Variants in NCOR1 observed in about 807,000 individuals in gnomAD.
The protein encoded by NCOR1 is protein phosphatase 1, regulatory subunit 109.
A neutral mutation model predicts 288.1 loss-of-function variants in NCOR1; 63 were observed. The ratio of observed to expected loss-of-function variants is 0.22; its 90% CI spans 0.18 to 0.27. The LOEUF (loss-of-function observed/expected upper bound fraction) is 0.27. NCOR1 is among the 10% of genes least tolerant of loss of function. The pLI, the probability that NCOR1 is intolerant of heterozygous loss-of-function variation, is 1.00. For synonymous variants in NCOR1, 1,007 were observed against 1,065.9 expected, an observed-to-expected ratio of 0.94 and a Z score of 1.08; for missense variants, 2,397 against 3,019.2, an observed-to-expected ratio of 0.79 and a Z score of 4.83.
chr17:16,046,612 TG>T (rs1360109951), intron 42 of NCOR1, among the ~76,000 whole-genome samples: 1 of 152,150 alleles, frequency 6.6e-6, no homozygotes, highest in African/African-American at 2.4e-5. Flanking sequence ...AGATGTTATG[TG>T]GGGATAGGCC....
At chr17:16,092,676 TATATATATATATATATATA>T (rs1567958639) in intron 21 of NCOR1, among the ~76,000 whole-genome samples, 252 of 23,756 alleles carry the variant, frequency 0.011, 9 homozygotes, top group South Asian at 0.018. Context: ...TATATATATA[TATATATATATATATATATA>T]TTTTTTTTTT....
intron 17 of NCOR1, among the ~76,000 whole-genome samples, 190 bp from the exon 18 acceptor site, chr17:16,118,217 AT>A (rs903630151): frequency 3.4e-4 from 51 of 152,166 alleles, no homozygotes; most frequent in Admixed American, 1.3e-4. Flanking sequence ...ACAGTTCTAT[AT>A]TTTTCCCCCT....
intron 4 of NCOR1, among the ~76,000 whole-genome samples, chr17:16,169,564 T>A (rs1366506543): frequency 1.3e-5 from 2 of 152,136 alleles, no homozygotes; most frequent in African/African-American, 4.8e-5. Flanking sequence ...GTAGAAGTAG[T>A]CATGGTTTAC....
intron 3 of NCOR1, among the ~76,000 whole-genome samples, chr17:16,176,297 G>A (rs1199085779): frequency 6.6e-6 from 1 of 152,134 alleles, no homozygotes; most frequent in Non-Finnish European, 1.5e-5. Context: ...GAAACAGAGT[G>A]TCACTCTGTC....
intron 22 of NCOR1, among the ~76,000 whole-genome samples, chr17:16,086,903 G>A (rs1275735284): frequency 6.6e-6 from 1 of 152,142 alleles, no homozygotes; most frequent in Non-Finnish European, 1.5e-5. Flanking sequence ...TTTTGGGGAT[G>A]GGGAGATCTC....
intron 42 of NCOR1, among the ~76,000 whole-genome samples, chr17:16,045,810 T>A (rs569562252): frequency 6.0e-5 from 9 of 149,818 alleles, no homozygotes; most frequent in African/African-American, 1.5e-4. Flanking sequence ...CCAGACAATT[T>A]AAAAAAAATT....
Position 16,127,355 on chromosome 17 carries a change from A to G in NCOR1, c.1510-1149T>C, listed in dbSNP as rs1011232443. 1.1e-4 allele frequency among the ~76,000 whole-genome samples: 15 copies of G among 142,234 alleles called. 3 individuals are homozygous for G. The highest frequency in any genetic ancestry group is 3.7e-4 in the African/African-American group (14 of 37,906). The allele number at this position is 142,234 out of a possible 152,430, so 93.3% of individuals were successfully genotyped here. Reference sequence around the variant, plus strand: ...TATATATACATGTATGTATATATGTATGTATATATACATGTATGTATATAT... The same window carrying G: ...TATATATACATGTATGTATATATGTGTGTATATATACATGTATGTATATAT... On this transcript the variant is annotated intron_variant, in intron 14 of 45. Coordinates refer to ENST00000268712, the MANE Select transcript of NCOR1 (RefSeq NM_006311.4).
In NCOR1 at chr17:16,145,698, C is replaced by T. The variant is rs987034545; in HGVS notation, c.1082+678G>A. On this transcript the variant is annotated intron_variant, in intron 10 of 45. Transcript: ENST00000268712. ...GGGGGGCAGCCCCCGCCCAGCCAGC[C>T]GCCCAGTCCGGGAGGTGGGGGGCAG... 2.0e-5 allele frequency among the ~76,000 whole-genome samples: 3 copies of T among 151,924 alleles called. No homozygotes were observed. The South Asian group carries it at 6.2e-4, about 32-fold the overall frequency.
intron 18 of NCOR1, among the ~76,000 whole-genome samples, chr17:16,114,121 C>T (rs572521650): frequency 3.2e-4 from 40 of 123,904 alleles, no homozygotes; most frequent in African/African-American, 4.5e-4. Flanking sequence ...GAGCAAGTAA[C>T]GTCTTACATG....
At chr17:16,183,714 T>A (rs1215364700) in intron 3 of NCOR1, among the ~76,000 whole-genome samples, 1 of 150,860 alleles carries the variant, frequency 6.6e-6, no homozygotes, top group Non-Finnish European at 1.5e-5. Flanking sequence ...CCCAATGGGG[T>A]TTTTCACAGA....
intron 21 of NCOR1, among the ~76,000 whole-genome samples, chr17:16,094,954 G>A (rs2066114619): frequency 1.3e-5 from 2 of 152,180 alleles, no homozygotes; most frequent in Non-Finnish European, 2.9e-5. Context: ...GCCCCCCAAA[G>A]TGCAGAGATT....
At position 16,193,162 on chromosome 17, in the gene NCOR1, C is replaced by T. The variant is rs376939174; in HGVS notation, c.108+1300G>A. On this transcript the variant is annotated intron_variant, in intron 2 of 45. Coordinates refer to ENST00000268712, the MANE Select transcript of NCOR1 (RefSeq NM_006311.4). The stretch of plus-strand genomic sequence containing the variant: ...TTTATGACTTTGTCAAAATTTGTTA[C>T]AATGTACACATATAATGAGTGCATT... Among the ~76,000 whole-genome samples, 5 of 152,210 alleles carry T rather than the reference C, an allele frequency of 3.3e-5. No homozygotes were observed. The East Asian group carries it at 9.6e-4, about 29-fold the overall frequency.
intron 14 of NCOR1, among the ~76,000 whole-genome samples, chr17:16,127,658 T>C (rs1468974716): frequency 1.4e-5 from 2 of 147,022 alleles, no homozygotes; most frequent in African/African-American, 2.5e-5. Context: ...TGTGTATATA[T>C]ACATATATGT....
intron 14 of NCOR1, among the ~76,000 whole-genome samples, chr17:16,130,031 G>T (rs1008891917): frequency 1.3e-5 from 2 of 152,182 alleles, no homozygotes; most frequent in African/African-American, 4.8e-5. Context: ...AACAGCTCCT[G>T]GCTCTGCATA....
At position 16,164,961 on chromosome 17, in the gene NCOR1, T is replaced by A; in HGVS notation, c.618+18A>T. 6.6e-7 allele frequency: 1 copy of A among 1,523,260 alleles called. No homozygotes were observed. Among genetic ancestry groups the A allele is most frequent in the Non-Finnish European group, 8.8e-7 (1 of 1,131,834 alleles). 94.4% of individuals were successfully genotyped at this position (1,523,260 alleles called of 1,614,324 possible). A position where few individuals can be genotyped will look rare whatever the true frequency, so the allele number is the denominator to read the frequency against. ...GACAAACATACATTCTTAGAATATATTAAGCAAAGACATTTACTTGTTTCT... is the reference window on the plus strand; with the variant it reads ...GACAAACATACATTCTTAGAATATAATAAGCAAAGACATTTACTTGTTTCT... On this transcript the variant is annotated intron_variant, in intron 5 of 45. Coordinates refer to ENST00000268712, the MANE Select transcript of NCOR1 (RefSeq NM_006311.4).
In NCOR1 at chr17:16,064,128, C is replaced by T; in HGVS notation, c.5161G>A (p.Glu1721Lys). 6.2e-7 allele frequency: 1 copy of T among 1,614,110 alleles called. No homozygotes were observed. The highest frequency in any genetic ancestry group is 1.3e-5 in the African/African-American group (1 of 75,024). Residue 1721 changes from glutamate (E) to lysine (K), a missense_variant, in exon 35 of 46, where the codon GAG becomes AAG. Glu to Lys is a moderately conservative substitution (Grantham distance 56). Coordinates refer to ENST00000268712, the MANE Select transcript of NCOR1 (RefSeq NM_006311.4). Reference protein sequence around the residue: ...SAEREREREREKERERERIAA... With the variant: ...SAERERERERKKERERERIAA... Reference sequence around the variant, plus strand: ...ATCCGTTCCCGCTCCCGCTCCTTCTCCCGCTCCCGTTCCCGTTCCCTCTCA... The same window carrying T: ...ATCCGTTCCCGCTCCCGCTCCTTCTTCCGCTCCCGTTCCCGTTCCCTCTCA...
chr17:16,079,835 T>C, intron 26 of NCOR1, 129 bp downstream of exon 26: 1 of 672,392 alleles, frequency 1.5e-6, no homozygotes, highest in Non-Finnish European at 2.6e-6. Flanking sequence ...TTTGCAGATC[T>C]AGGTTATGAG....
At chr17:16,090,341 T>G (rs573093967) in intron 22 of NCOR1, among the ~76,000 whole-genome samples, 2 of 152,164 alleles carry the variant, frequency 1.3e-5, no homozygotes, top group Non-Finnish European at 2.9e-5. Context: ...AAATAATAAA[T>G]GTAAGGAATA....
chr17:16,154,561 C>T (rs1490663608), intron 6 of NCOR1, among the ~76,000 whole-genome samples: 1 of 152,156 alleles, frequency 6.6e-6, no homozygotes, highest in Non-Finnish European at 1.5e-5. Flanking sequence ...GCAGGGGCAA[C>T]ATAGCGGGGT....
Sources: allele counts gnomAD v4.1 joint callset (sites outside exome capture counted in the v4.1 genomes callset), GRCh38; gene constraint gnomAD v4.1.1; transcripts MANE v1.5; gene names NCBI Gene and HGNC (gene_info 2026-07-23, HGNC 2026-07-21).